The following CASZ1 variants were observed in gnomAD, a reference collection of about 807,000 sequenced individuals.
The protein encoded by CASZ1 is zinc finger protein castor homolog 1.
A neutral mutation model predicts 135.2 loss-of-function variants in CASZ1; 28 were observed. The ratio of observed to expected loss-of-function variants is 0.21; its 90% CI spans 0.15 to 0.28. The LOEUF is 0.28. CASZ1 is among the 10% of genes least tolerant of loss of function. CASZ1 has a pLI of 1.00. For synonymous variants in CASZ1, 1,068 were observed against 1,073.4 expected, an observed-to-expected ratio of 0.99 and a Z score of 0.10; for missense variants, 2,161 against 2,453.3, an observed-to-expected ratio of 0.88 and a Z score of 2.52.
intron 2 of CASZ1, among the ~76,000 whole-genome samples, chr1:10,760,227 G>C (rs1182875910): frequency 6.6e-6 from 1 of 152,172 alleles, no homozygotes; most frequent in Non-Finnish European, 1.5e-5. Context: ...GCTTACAGCA[G>C]AGCAGCCTCT....
rs183045960 is a variant in CASZ1, at chr1:10,663,672, C to T, written c.505+1411G>A. 4.3e-3 allele frequency among the ~76,000 whole-genome samples: 650 copies of T among 152,336 alleles called. 2 individuals are homozygous for T. Among genetic ancestry groups the T allele is most frequent in the Non-Finnish European group, 7.7e-3 (527 of 68,010 alleles). The stretch of plus-strand genomic sequence containing the variant: ...GAGGGGGCCCACAGGCCTGCATGGC[C>T]GAGCCCAGGGCCCAGAGAAGGTGGC... On this transcript the variant is annotated intron_variant, in intron 5 of 20. Coordinates refer to ENST00000377022, the MANE Select transcript of CASZ1 (RefSeq NM_001079843.3).
chr1:10,761,839 C>A (rs1640381268), intron 1 of CASZ1, among the ~76,000 whole-genome samples: 1 of 152,182 alleles, frequency 6.6e-6, no homozygotes, highest in South Asian at 2.1e-4. Flanking sequence ...TGCTGAGAAC[C>A]CAGAGGGGGT....
intron 2 of CASZ1, among the ~76,000 whole-genome samples, chr1:10,716,250 T>TAGCACCCAACCCCCACCCCAC (rs1639391294): frequency 2.3e-5 from 1 of 44,180 alleles, no homozygotes; most frequent in Admixed American, 2.1e-4. Flanking sequence ...CCCCACCCCA[T>TAGCACCCAACCCCCACCCCAC]AGCACCCAAT....
rs746569071 is a variant in CASZ1 at position 10,739,888 on chromosome 1, C to T, written c.-77+20813G>A. 6.6e-6 allele frequency among the ~76,000 whole-genome samples: 1 copy of T among 152,178 alleles called. No homozygotes were observed. Among genetic ancestry groups the T allele is most frequent in the Non-Finnish European group, 1.5e-5 (1 of 68,038 alleles). Reference sequence around the variant, plus strand: ...AGCCGCAAGGTGCTGGGATCCCAGACGAGTCCCTCCTGAAAGGGCGAAACT... The same window carrying T: ...AGCCGCAAGGTGCTGGGATCCCAGATGAGTCCCTCCTGAAAGGGCGAAACT... On this transcript the variant is annotated intron_variant, in intron 2 of 20. Transcript: ENST00000377022. The surrounding 1 kb of genome is among the most constrained non-coding windows in gnomAD (Gnocchi z 4.8).
Position 10,657,257 on chromosome 1 carries a change from C to T in CASZ1, c.1410-521G>A, listed in dbSNP as rs1256204111. Among the ~76,000 whole-genome samples, 1 of 152,316 alleles carries T rather than the reference C, an allele frequency of 6.6e-6. No homozygotes were observed. Among genetic ancestry groups the T allele is most frequent in the Middle Eastern group, 3.4e-3 (1 of 294 alleles). On this transcript the variant is annotated intron_variant, in intron 7 of 20. Transcript: ENST00000377022. The surrounding 1 kb of genome is among the most constrained non-coding windows in gnomAD (Gnocchi z 5.7). ...TACAGCAACGAGCTCACTCTCCAGC[C>T]GCCGCCGCCACCGCCAGGAACCTGT... is the stretch of plus-strand genomic sequence containing the variant.
intron 1 of CASZ1, among the ~76,000 whole-genome samples, chr1:10,792,962 A>C (rs1640991567): frequency 6.6e-6 from 1 of 152,162 alleles, no homozygotes; most frequent in African/African-American, 2.4e-5. Context: ...AGGATCTAAA[A>C]GAGGAGCAAA....
intron 4 of CASZ1, among the ~76,000 whole-genome samples, chr1:10,674,731 G>A (rs948521974): frequency 2.0e-5 from 3 of 152,196 alleles, no homozygotes; most frequent in African/African-American, 7.2e-5. Flanking sequence ...GGGCACCGCG[G>A]ACCTGGAGTT....
At chr1:10,746,635 C>T (rs1640046654) in intron 2 of CASZ1, among the ~76,000 whole-genome samples, 1 of 152,230 alleles carries the variant, frequency 6.6e-6, no homozygotes, top group African/African-American at 2.4e-5. Flanking sequence ...GCACCTTGCA[C>T]CCCAACCAAG....
Position 10,741,638 on chromosome 1 carries a change from C to G in CASZ1, c.-77+19063G>C, listed in dbSNP as rs992040259. 6.6e-6 allele frequency among the ~76,000 whole-genome samples: 1 copy of G among 152,180 alleles called. No homozygotes were observed. Among genetic ancestry groups the G allele is most frequent in the African/African-American group, 2.4e-5 (1 of 41,452 alleles). On this transcript the variant is annotated intron_variant, in intron 2 of 20. Coordinates refer to ENST00000377022, the MANE Select transcript of CASZ1 (RefSeq NM_001079843.3). The surrounding 1 kb of genome is among the most constrained non-coding windows in gnomAD (Gnocchi z 5.0). ...CCCAACCACCGAAACTCACCCTCAA[C>G]TGAGAATCCACAAGGAGGGAAACAA...
At chr1:10,705,121 C>G (rs901595739) in intron 3 of CASZ1, among the ~76,000 whole-genome samples, 5 of 152,222 alleles carry the variant, frequency 3.3e-5, no homozygotes, top group African/African-American at 1.2e-4. Flanking sequence ...CCAGGCACAG[C>G]CGGCCACCGC....
At chr1:10,662,585 C>T (rs1401156115) in intron 5 of CASZ1, among the ~76,000 whole-genome samples, 1 of 145,796 alleles carries the variant, frequency 6.9e-6, no homozygotes, top group Non-Finnish European at 1.5e-5. Context: ...CTCACAATCA[C>T]ACACACAATC....
rs868523355 is a variant in CASZ1, at chr1:10,794,367, C to A, written c.-234+2197G>T. On this transcript the variant is annotated intron_variant, in intron 1 of 20. Transcript: ENST00000377022. This position sits in a 1 kb window ranked among gnomAD's most constrained non-coding sequence, Gnocchi z 5.6. ...CAGGGCCTTTTCCCCCTCGCCACCC[C>A]CTGAGTGTACCGGGTGTCGGCGGGA... Among the ~76,000 whole-genome samples the A allele has an allele frequency of 1.3e-5, 2 of 152,182 alleles. No individual in the cohort carries two copies. The highest frequency in any genetic ancestry group is 2.4e-5 in the African/African-American group (1 of 41,444).
chr1:10,649,377 T>A lies in CASZ1; in HGVS notation c.2941A>T (p.Ser981Cys), dbSNP rs751447404. 3.1e-6 allele frequency: 5 copies of A among 1,607,908 alleles called. No individual in the cohort carries two copies. The highest frequency in any genetic ancestry group is 3.4e-6 in the Non-Finnish European group (4 of 1,177,788). ...AAGGGCGAGGGCTCCGCAGCGGGGCTCCCCTCCGCTTCCGCCTTGATGTTC... is the reference window on the plus strand; with the variant it reads ...AAGGGCGAGGGCTCCGCAGCGGGGCACCCCTCCGCTTCCGCCTTGATGTTC... The part of the protein sequence containing the change: ...LLNIKAEAEG[S>C]PAAEPSPFLG... The change falls in exon 14 of 21, where the codon AGC becomes TGC. Residue 981 changes from serine to cysteine, a missense_variant. Physicochemically the swap from Ser to Cys is moderately radical, Grantham distance 112. Transcript: ENST00000377022.
In CASZ1 at chr1:10,659,971, G is replaced by T; in HGVS notation, c.1071C>A (p.Pro357=). 6.2e-7 allele frequency: 1 copy of T among 1,613,412 alleles called. No homozygotes were observed. The highest frequency in any genetic ancestry group is 2.2e-5 in the East Asian group (1 of 44,866). ...LHLFKPGEGS[P]DMGGAIAFKT... ...TGAAGGCGATGGCCCCGCCCATGTC[G>T]GGGCTGCCCTCCCCGGGTTTGAAGA... The change falls in exon 6 of 21, where the codon CCC becomes CCA. Residue 357 remains proline, a synonymous_variant. Transcript: ENST00000377022.
In CASZ1 at chr1:10,639,829, C is replaced by A. The variant is rs1191403048; in HGVS notation, c.4393G>T (p.Gly1465Cys). Residue 1465 changes from glycine to cysteine, a missense_variant, in exon 21 of 21, where the codon GGC (glycine) becomes TGC (cysteine). Gly to Cys is a radical substitution (Grantham distance 159). This residue lies in a region of CASZ1 where 240 missense variants were observed against 321.4 expected (regional missense o/e 0.75). Transcript: ENST00000377022. The surrounding 1 kb of genome is among the most constrained non-coding windows in gnomAD (Gnocchi z 4.0). ...THYHCTRENC[G>C]YKFCGRTHMY... ...TGCGTGCGCCCGCAGAACTTGTAGC[C>A]GCAGTTCTCGCGCGTGCAGTGGTAG... 6.2e-7 allele frequency: 1 copy of A among 1,610,774 alleles called. No homozygotes were observed. Among genetic ancestry groups the A allele is most frequent in the Non-Finnish European group, 8.5e-7 (1 of 1,178,994 alleles).
chr1:10,731,490 TG>T (rs1361208495), intron 2 of CASZ1, among the ~76,000 whole-genome samples: 1 of 151,938 alleles, frequency 6.6e-6, no homozygotes, highest in Non-Finnish European at 1.5e-5. Context: ...GAGGCTGAGG[TG>T]GGAGAATCCT....
In CASZ1 at chr1:10,755,452, G is replaced by A. The variant is rs973945492; in HGVS notation, c.-77+5249C>T. 4.6e-5 allele frequency among the ~76,000 whole-genome samples: 7 copies of A among 152,074 alleles called. No individual in the cohort carries two copies. Among genetic ancestry groups the A allele is most frequent in the East Asian group, 1.9e-4 (1 of 5,170 alleles). On this transcript the variant is annotated intron_variant, in intron 2 of 20. Transcript: ENST00000377022. The surrounding 1 kb of genome is among the most constrained non-coding windows in gnomAD (Gnocchi z 4.3). ...GCAGGGCAGAGGCGCTTCTCTCTTC[G>A]TCCACCACACCGCGTCAACCCTCCC... is the stretch of plus-strand genomic sequence containing the variant.
Position 10,665,432 on chromosome 1 carries a change from G to A in CASZ1, c.156C>T (p.Ser52=). The A allele has an allele frequency of 6.2e-7, 1 of 1,612,138 alleles. No individual in the cohort carries two copies. The highest frequency in any genetic ancestry group is 2.2e-5 in the East Asian group (1 of 44,876). ...VVVEKRADAG[S]HTEGSPSQPR... is the part of the protein sequence containing the mutation. Reference sequence around the variant, plus strand: ...GCTGCGATGGGCTGCCCTCCGTGTGGGAGCCGGCGTCAGCTCGCTTCTCCA... The same window carrying A: ...GCTGCGATGGGCTGCCCTCCGTGTGAGAGCCGGCGTCAGCTCGCTTCTCCA... Residue 52 remains serine, a synonymous_variant, in exon 5 of 21, where the codon TCC becomes TCT. Transcript: ENST00000377022.
chr1:10,722,003 G>A (rs940786111), intron 2 of CASZ1, among the ~76,000 whole-genome samples: 5 of 152,238 alleles, frequency 3.3e-5, no homozygotes, highest in African/African-American at 1.2e-4. Context: ...GGAAACTGAG[G>A]CACAGCAGAG....
Sources: allele counts gnomAD v4.1 joint callset (sites outside exome capture counted in the v4.1 genomes callset), GRCh38; gene constraint gnomAD v4.1.1; regional missense constraint gnomAD v4.1.1; non-coding constraint Gnocchi (gnomAD v3.1); transcripts MANE v1.5; gene names NCBI Gene and HGNC (gene_info 2026-07-23, HGNC 2026-07-21).